ANAPC4: variants seen among roughly 807,000 people sequenced by gnomAD.
ANAPC4 encodes the protein anaphase promoting complex subunit 4.
In ANAPC4, 63 loss-of-function variants were observed where a neutral mutation model predicts 119.8. The observed-to-expected ratio is 0.53, with a 90% CI of 0.43 to 0.65. The LOEUF is 0.65. Ranked by LOEUF, ANAPC4 falls within the 30% of genes least tolerant of loss-of-function variation. The pLI, the probability that ANAPC4 is intolerant of heterozygous loss-of-function variation, is 0.00. For synonymous variants in ANAPC4, 283 were observed against 318.6 expected (o/e 0.89, Z 1.19); for missense variants, 716 against 945.1 (o/e 0.76, Z 3.18).
intron 3 of ANAPC4, 68 bp downstream of exon 3, chr4:25,380,547 C>A: frequency 1.7e-6 from 2 of 1,194,562 alleles, no homozygotes; most frequent in South Asian, 1.6e-5. Context: ...AGCCCATTTT[C>A]AGAAAGGATT....
intron 10 of ANAPC4, among the ~76,000 whole-genome samples, chr4:25,393,081 G>T (rs777275453): frequency 1.3e-5 from 2 of 152,132 alleles, no homozygotes; most frequent in Non-Finnish European, 2.9e-5. Context: ...GACTGGAGGG[G>T]CTACAAAAGA....
At chr4:25,389,347 CG>C (rs1337709782) in intron 7 of ANAPC4, among the ~76,000 whole-genome samples, 1 of 152,054 alleles carries the variant, frequency 6.6e-6, no homozygotes, top group Non-Finnish European at 1.5e-5. Context: ...TTAGTAGGGA[CG>C]GGGTTTCACC....
At position 25,391,052 on chromosome 4, in the gene ANAPC4, A is replaced by G. The variant is rs315667; in HGVS notation, c.705+37A>G. ...AACTTGATAACGGTAGAGAGTAAAT[A>G]TGTATTTAACAGGTTTTATATAGGT... On this transcript the variant is annotated intron_variant, in intron 9 of 28. Coordinates refer to ENST00000315368, the MANE Select transcript of ANAPC4 (RefSeq NM_013367.3). 5.9e-4 allele frequency: 858 copies of G among 1,445,166 alleles called. 3 individuals carry two copies. In the African/African-American group the frequency reaches 0.01, roughly 17 times the overall value. 89.5% of individuals were successfully genotyped at this position (1,445,166 alleles called of 1,614,324 possible).
chr4:25,394,057 G>A (rs1722503006), intron 11 of ANAPC4, among the ~76,000 whole-genome samples, 166 bp downstream of exon 11: 1 of 152,172 alleles, frequency 6.6e-6, no homozygotes, highest in African/African-American at 2.4e-5. Flanking sequence ...TTTGCCAAAA[G>A]GGCTCTTTTC....
At chr4:25,398,190 A>G (rs1338548563) in intron 16 of ANAPC4, among the ~76,000 whole-genome samples, 2 of 151,416 alleles carry the variant, frequency 1.3e-5, no homozygotes, top group Non-Finnish European at 2.9e-5. Flanking sequence ...TGTCTTTTTG[A>G]TTTTCTGAGA....
chr4:25,386,323 C>A (rs1260855933), intron 4 of ANAPC4, among the ~76,000 whole-genome samples: 2 of 152,162 alleles, frequency 1.3e-5, no homozygotes, highest in African/African-American at 4.8e-5. Context: ...AGTGATTCTC[C>A]TGCCTCAGCC....
intron 4 of ANAPC4, among the ~76,000 whole-genome samples, chr4:25,387,308 C>T (rs936803532): frequency 6.6e-6 from 1 of 151,994 alleles, no homozygotes; most frequent in African/African-American, 2.4e-5. Context: ...ATTAACTTTT[C>T]CTTTCTAATT....
At chr4:25,385,274 C>T (rs922510095) in intron 4 of ANAPC4, among the ~76,000 whole-genome samples, 13 of 152,188 alleles carry the variant, frequency 8.5e-5, no homozygotes, top group Admixed American at 7.9e-4. Context: ...AAAATACATA[C>T]ATACGTATAC....
At chr4:25,397,477 G>A (rs558300946) in intron 16 of ANAPC4, among the ~76,000 whole-genome samples, 1 of 152,266 alleles carries the variant, frequency 6.6e-6, no homozygotes, top group South Asian at 2.1e-4. Context: ...ACCCAGAACT[G>A]CCAGGATTGC....
chr4:25,409,351 A>G (rs1474117942), intron 20 of ANAPC4, among the ~76,000 whole-genome samples: 1 of 152,222 alleles, frequency 6.6e-6, no homozygotes, highest in East Asian at 1.9e-4. Flanking sequence ...ATCTTTTAAT[A>G]CTTTGTGGTT....
rs1722369551 is a variant in ANAPC4, at chr4:25,391,966, G to T, written c.706-372G>T. ...TCATTTTTAATGACAAATTTATTAA[G>T]ATACAATTCATATACCATTGATAGA... On this transcript the variant is annotated intron_variant, in intron 9 of 28. Transcript: ENST00000315368. 2.0e-5 allele frequency among the ~76,000 whole-genome samples: 3 copies of T among 152,296 alleles called. No homozygotes were observed. In the South Asian group the frequency reaches 6.2e-4, roughly 32 times the overall value.
Position 25,406,831 on chromosome 4 carries a change from G to T in ANAPC4, c.1320G>T (p.Met440Ile). ...EDHVLPELNK[M>I]TQKDITFVAE... ...CTTTTTGTTCCTTTTGTTGATAGATGACTCAGAAAGATATCACATTTGTTG... is the reference window on the plus strand; with the variant it reads ...CTTTTTGTTCCTTTTGTTGATAGATTACTCAGAAAGATATCACATTTGTTG... The change falls in exon 19 of 29, where the codon ATG becomes ATT. Residue 440 changes from methionine to isoleucine, a missense_variant and splice_region_variant. Coordinates refer to ENST00000315368, the MANE Select transcript of ANAPC4 (RefSeq NM_013367.3). 3 of 1,598,024 alleles carry T rather than the reference G, an allele frequency of 1.9e-6. No homozygotes were observed. The South Asian group carries it at 3.4e-5, about 18-fold the overall frequency.
Position 25,405,657 on chromosome 4 carries a change from G to A in ANAPC4, c.1317+38G>A, listed in dbSNP as rs1274481969. The A allele has an allele frequency of 6.2e-7, 1 of 1,603,518 alleles. No individual in the cohort carries two copies. The highest frequency in any genetic ancestry group is 8.5e-7 in the Non-Finnish European group (1 of 1,171,230). ...AGTGCATTTTCACAGTGTTCACATT[G>A]TCCTGCTTGAACTCAGCTGTGCTGG... On this transcript the variant is annotated intron_variant, in intron 18 of 28. Transcript: ENST00000315368. The surrounding 1 kb of genome is among the most constrained non-coding windows in gnomAD (Gnocchi z 4.6).
chr4:25,406,189 C>A (rs144867743), intron 18 of ANAPC4, among the ~76,000 whole-genome samples: 77 of 152,294 alleles, frequency 5.1e-4, no homozygotes, highest in African/African-American at 1.8e-3. Flanking sequence ...AAATTAGCCT[C>A]ATGAGCTAGA....
At chr4:25,411,287 C>T (rs1723548808) in intron 21 of ANAPC4, among the ~76,000 whole-genome samples, 1 of 152,134 alleles carries the variant, frequency 6.6e-6, no homozygotes, top group South Asian at 2.1e-4. Flanking sequence ...CACCTGGACC[C>T]TGTTGCTATT....
At position 25,405,816 on chromosome 4, in the gene ANAPC4, T is replaced by G. The variant is rs1723221603; in HGVS notation, c.1317+197T>G. On this transcript the variant is annotated intron_variant, in intron 18 of 28. Coordinates refer to ENST00000315368, the MANE Select transcript of ANAPC4 (RefSeq NM_013367.3). The surrounding 1 kb of genome is among the most constrained non-coding windows in gnomAD (Gnocchi z 4.6). The stretch of plus-strand genomic sequence containing the variant: ...TGTTTCATCTCATAGAATACCTTTA[T>G]TATGACTATCTAAATTTATAGTTTT... Among the ~76,000 whole-genome samples, 1 of 152,246 alleles carries G rather than the reference T, an allele frequency of 6.6e-6. No individual in the cohort carries two copies. Among genetic ancestry groups the G allele is most frequent in the Admixed American group, 6.5e-5 (1 of 15,278 alleles).
At chr4:25,399,431 G>A (rs1722833662) in intron 16 of ANAPC4, among the ~76,000 whole-genome samples, 1 of 151,550 alleles carries the variant, frequency 6.6e-6, no homozygotes, top group African/African-American at 2.4e-5. Flanking sequence ...AGCACATCAT[G>A]TATGTATGTA....
intron 21 of ANAPC4, chr4:25,412,988 A>G (rs1282379358): frequency 6.6e-6 from 1 of 152,148 alleles, no homozygotes; most frequent in Admixed American, 6.5e-5. Flanking sequence ...TTAGAGTCAG[A>G]CTTGGGTTTG....
In ANAPC4 at chr4:25,407,013, G is replaced by A. The variant is rs1723286703; in HGVS notation, c.1374+128G>A. On this transcript the variant is annotated intron_variant, in intron 19 of 28. Transcript: ENST00000315368. Reference sequence around the variant, plus strand: ...TAGCAATTACTTTTTTAAAACTGTTGAACTAATTATGTTTATAAACATAGT... The same window carrying A: ...TAGCAATTACTTTTTTAAAACTGTTAAACTAATTATGTTTATAAACATAGT... 5.6e-6 allele frequency: 5 copies of A among 890,028 alleles called. No homozygotes were observed. The East Asian group carries it at 1.3e-4, about 24-fold the overall frequency. The allele number at this position is 890,028 out of a possible 1,614,324, so 55.1% of individuals were successfully genotyped here.
Sources: gnomAD v4.1 joint callset for allele counts (sites outside exome capture counted in the v4.1 genomes callset) on GRCh38, gnomAD v4.1.1 for gene constraint, Gnocchi (gnomAD v3.1) non-coding constraint, MANE v1.5 for transcripts, NCBI Gene and HGNC (gene_info 2026-07-23, HGNC 2026-07-21) for gene names.